Variants in CIP2A observed in about 807,000 individuals in gnomAD.
CIP2A encodes the protein cellular inhibitor of PP2A.
Under a neutral mutation model 110.9 loss-of-function variants are expected in CIP2A, and 103 were observed. That is an observed-to-expected ratio of 0.93 (90% CI 0.79 to 1.09). CIP2A has a LOEUF of 1.09. CIP2A is among the 50% of genes least tolerant of loss of function. The probability of loss-of-function intolerance (pLI) is 0.00; values close to 1 mark genes in which losing one functional copy is unlikely to be tolerated. For missense variants in CIP2A, 1,088 were observed against 1,038.4 expected (o/e 1.05, Z -0.66); for synonymous variants, 381 against 361.6 (o/e 1.05, Z -0.61).
chr3:108,569,293 G>A (rs1938303370), intron 9 of CIP2A, 96 bp downstream of exon 9: 1 of 892,656 alleles, frequency 1.1e-6, no homozygotes, highest in South Asian at 1.5e-5. Context: ...TTCCTCAAGT[G>A]TATGAACTGT....
Position 108,565,583 on chromosome 3 carries a change from G to A in CIP2A, c.1416-129C>T, listed in dbSNP as rs1436975566. 7.3e-6 allele frequency: 4 copies of A among 548,020 alleles called. No individual in the cohort carries two copies. In the South Asian group the frequency reaches 1.1e-4, roughly 15 times the overall value. The allele number at this position is 548,020 out of a possible 1,614,324, so 33.9% of individuals were successfully genotyped here. On this transcript the variant is annotated intron_variant, in intron 11 of 20. Transcript: ENST00000295746. ...TTTAAATTCAAGATGATAAAGTCCT[G>A]TTTCTATTGAGAAGTAAAAATCTCA...
In CIP2A at chr3:108,554,492, GAA is replaced by G. The variant is rs747866887; in HGVS notation, c.2211-5_2211-4del. On this transcript the variant is annotated splice_region_variant and splice_polypyrimidine_tract_variant and intron_variant, in intron 17 of 20. Coordinates refer to ENST00000295746, the MANE Select transcript of CIP2A (RefSeq NM_020890.3). ...TCTTCTTTTCAGTACTTTCATTTCT[GAA>G]AAGACAAGAAAATGAGTTGGCATCA... 1 of 1,179,076 alleles carries G rather than the reference GAA, an allele frequency of 8.5e-7. No individual in the cohort carries two copies. Among genetic ancestry groups the G allele is most frequent in the African/African-American group, 1.5e-5 (1 of 65,244 alleles). The allele number at this position is 1,179,076 out of a possible 1,614,324, so 73.0% of individuals were successfully genotyped here. A position where few individuals can be genotyped will look rare whatever the true frequency, so the allele number is the denominator to read the frequency against.
At chr3:108,582,935 T>C (rs776798561) in intron 3 of CIP2A, 42 bp downstream of exon 3, 1 of 1,208,462 alleles carries the variant, frequency 8.3e-7, no homozygotes, top group Non-Finnish European at 1.2e-6. Context: ...AATTTTGATC[T>C]GACAGTAAGG....
intron 8 of CIP2A, among the ~76,000 whole-genome samples, chr3:108,575,425 TATAC>T (rs1438009583): frequency 1.0e-5 from 1 of 95,500 alleles, no homozygotes; most frequent in South Asian, 4.7e-4. Flanking sequence ...CATATACATG[TATAC>T]ATACACATAC....
At chr3:108,578,063 T>C (rs1248114131) in intron 7 of CIP2A, among the ~76,000 whole-genome samples, 1 of 152,182 alleles carries the variant, frequency 6.6e-6, no homozygotes, top group African/African-American at 2.4e-5. Flanking sequence ...GATTGGGTTA[T>C]TGTTCAATGG....
chr3:108,568,178 G>C lies in CIP2A; in HGVS notation c.1250C>G (p.Ala417Gly). The C allele has an allele frequency of 6.2e-7, 1 of 1,611,924 alleles. No individual in the cohort carries two copies. Among genetic ancestry groups the C allele is most frequent in the Non-Finnish European group, 8.5e-7 (1 of 1,178,546 alleles). ...ALTRKKCERIAKAIEVLLTLC... is the reference protein window; with the variant it reads ...ALTRKKCERIGKAIEVLLTLC... ...ATTTAACAAAACTTCAATGGCCTTG[G>C]CAATCCTTTCACATTTTTTTCTTGT... Residue 417 changes from alanine (A) to glycine (G), a missense_variant, in exon 10 of 21, where the codon GCC becomes GGC. Coordinates refer to ENST00000295746, the MANE Select transcript of CIP2A (RefSeq NM_020890.3).
At chr3:108,574,135 CAA>C (rs1269816862) in intron 8 of CIP2A, among the ~76,000 whole-genome samples, 1 of 152,082 alleles carries the variant, frequency 6.6e-6, no homozygotes, top group Admixed American at 6.6e-5. Flanking sequence ...ATATACCCAT[CAA>C]AAGACTCCAG....
intron 17 of CIP2A, among the ~76,000 whole-genome samples, chr3:108,556,148 T>C (rs1937795101): frequency 6.6e-6 from 1 of 152,130 alleles, no homozygotes; most frequent in Non-Finnish European, 1.5e-5. Flanking sequence ...GGGGTAAATA[T>C]CCTGTTAAAA....
chr3:108,551,761 T>A (rs1413151500), intron 20 of CIP2A, among the ~76,000 whole-genome samples: 1 of 152,066 alleles, frequency 6.6e-6, no homozygotes, highest in African/African-American at 2.4e-5. Flanking sequence ...GTACAATTCA[T>A]AGCTACCACT....
In CIP2A at chr3:108,585,157, C is replaced by T; in HGVS notation, c.158G>A (p.Ser53Asn). The T allele has an allele frequency of 6.2e-7, 1 of 1,613,312 alleles. No individual in the cohort carries two copies. The highest frequency in any genetic ancestry group is 1.1e-5 in the South Asian group (1 of 91,012). Residue 53 changes from serine (S) to asparagine (N), a missense_variant, in exon 2 of 21, where the codon AGT becomes AAT. Ser to Asn is a conservative substitution (Grantham distance 46). Coordinates refer to ENST00000295746, the MANE Select transcript of CIP2A (RefSeq NM_020890.3). ...RLFTSNQILT[S>N]ECLSCLVELL... is the part of the protein sequence containing the mutation. The stretch of plus-strand genomic sequence containing the variant: ...CTCTACAAGGCAACTCAAGCATTCA[C>T]TTGTTAATATCTGATTTGATGTAAA...
chr3:108,574,677 C>G (rs79644672), intron 8 of CIP2A: 1 of 152,502 alleles, frequency 6.6e-6, no homozygotes. Flanking sequence ...ATGGGTTGGC[C>G]TAAGAAACCT....
intron 8 of CIP2A, among the ~76,000 whole-genome samples, chr3:108,570,515 C>A (rs1938357962): frequency 6.6e-6 from 1 of 152,084 alleles, no homozygotes; most frequent in Non-Finnish European, 1.5e-5. Context: ...CTACTACGTC[C>A]CTTTATTGCC....
intron 1 of CIP2A, among the ~76,000 whole-genome samples, chr3:108,587,877 G>A (rs1939119422): frequency 6.6e-6 from 1 of 152,070 alleles, no homozygotes; most frequent in African/African-American, 2.4e-5. Flanking sequence ...AGCCTCCCGA[G>A]TTCAAGCGAT....
chr3:108,559,162 G>C (rs1937912782), intron 16 of CIP2A, among the ~76,000 whole-genome samples: 1 of 152,126 alleles, frequency 6.6e-6, no homozygotes, highest in Admixed American at 6.6e-5. Context: ...AATAGTGGTA[G>C]AAGCAGAGAT....
intron 7 of CIP2A, among the ~76,000 whole-genome samples, chr3:108,577,333 AG>A (rs1263915556): frequency 1.3e-5 from 2 of 152,164 alleles, no homozygotes; most frequent in Non-Finnish European, 2.9e-5. Context: ...TGTAAGTTAA[AG>A]GGGAAGGGTC....
chr3:108,589,024 G>C (rs561036540), intron 1 of CIP2A, among the ~76,000 whole-genome samples: 1 of 152,232 alleles, frequency 6.6e-6, no homozygotes, highest in African/African-American at 2.4e-5. Flanking sequence ...TTACCTACTC[G>C]AAACAACCTG....
Position 108,576,283 on chromosome 3 carries a change from A to G in CIP2A, c.882T>C (p.Asp294=), listed in dbSNP as rs753326141. The change falls in exon 8 of 21, where the codon GAT becomes GAC. Residue 294 remains aspartate (D), a synonymous_variant. Transcript: ENST00000295746. ...TGTTTTTACATACCTTTGAAGAGGA[A>G]TCAGGATCCTTTCCATTAAGAAGAC... is the stretch of plus-strand genomic sequence containing the variant. The part of the protein sequence containing the change: ...VLGLLNGKDP[D]SSSKVLELLL... 42 of 1,559,150 alleles carry G rather than the reference A, an allele frequency of 2.7e-5. No individual in the cohort carries two copies. The South Asian group carries it at 4.7e-4, about 18-fold the overall frequency.
At chr3:108,553,123 T>TG in intron 19 of CIP2A, among the ~76,000 whole-genome samples, 1 of 9,436 alleles carries the variant, frequency 1.1e-4, no homozygotes. Flanking sequence ...TTCCTTTTGT[T>TG]TTTTTTTTTT....
intron 5 of CIP2A, 28 bp downstream of exon 5, chr3:108,581,387 A>C (rs747594749): frequency 6.8e-7 from 1 of 1,465,490 alleles, no homozygotes; most frequent in South Asian, 1.2e-5. Context: ...ATAAAACAAG[A>C]AACATTAAAA....
Sources: gnomAD v4.1 joint callset for allele counts (sites outside exome capture counted in the v4.1 genomes callset) on GRCh38, gnomAD v4.1.1 for gene constraint, MANE v1.5 for transcripts, NCBI Gene and HGNC (gene_info 2026-07-23, HGNC 2026-07-21) for gene names.